Variants in S100A13 observed in about 807,000 individuals in gnomAD.
S100A13 encodes the protein S100 calcium binding protein A13, also known as protein S100-A13.
S100A13 carries 6 observed loss-of-function variants against 8.2 expected under a neutral mutation model. The ratio of observed to expected loss-of-function variants is 0.73; its 90% CI spans 0.40 to 1.44. The LOEUF (loss-of-function observed/expected upper bound fraction) is 1.44. S100A13 is among the 40% of genes most tolerant of loss of function. The probability of loss-of-function intolerance (pLI) is 0.02; values close to 1 mark genes in which losing one functional copy is unlikely to be tolerated. For missense variants in S100A13, 114 were observed against 113.6 expected (o/e 1.00, Z -0.02); for synonymous variants, 39 against 45.9 (o/e 0.85, Z 0.61).
intron 2 of S100A13, among the ~76,000 whole-genome samples, chr1:153,619,247 G>T (rs1667083048): frequency 6.6e-6 from 1 of 152,186 alleles, no homozygotes; most frequent in Non-Finnish European, 1.5e-5. Context: ...AAGGTGGGGG[G>T]GCCTGAGTCC....
chr1:153,624,247 TAAG>T (rs1667455952), intron 2 of S100A13, among the ~76,000 whole-genome samples: 1 of 152,180 alleles, frequency 6.6e-6, no homozygotes, highest in Non-Finnish European at 1.5e-5. Flanking sequence ...TGCTGAGATG[TAAG>T]AAGACAAATC....
At chr1:153,625,844 A>G (rs985095503) in intron 2 of S100A13, among the ~76,000 whole-genome samples, 10 of 152,240 alleles carry the variant, frequency 6.6e-5, no homozygotes, top group African/African-American at 2.4e-5. Context: ...ATGGACACAC[A>G]AACACACACA....
intron 2 of S100A13, among the ~76,000 whole-genome samples, chr1:153,625,676 A>G (rs1478582827): frequency 1.3e-5 from 2 of 152,256 alleles, no homozygotes; most frequent in Non-Finnish European, 2.9e-5. Flanking sequence ...CAGCTCTGAC[A>G]GTCTGTGAAT....
At chr1:153,628,312 G>A, upstream of S100A13, 2 of 1,514,068 alleles carry the variant, frequency 1.3e-6, no homozygotes, top group East Asian at 2.5e-5. Context: ...GGAGACAGAG[G>A]GCGCCTCTGT....
intron 2 of S100A13, among the ~76,000 whole-genome samples, chr1:153,620,500 G>A (rs970886630): frequency 2.0e-5 from 3 of 149,512 alleles, no homozygotes; most frequent in Non-Finnish European, 4.4e-5. Context: ...CAAAACAAAG[G>A]CCAAATACCA....
upstream of S100A13, chr1:153,628,045 T>C (rs1223564565): frequency 1.3e-6 from 2 of 1,550,122 alleles, no homozygotes; most frequent in African/African-American, 2.7e-5. Context: ...ACTAAGTTTC[T>C]CACTGAGGGT....
At chr1:153,632,266 C>CTTT (rs397863604), upstream of S100A13, 156 of 91,730 alleles carry the variant, frequency 1.7e-3, 1 homozygote, top group East Asian at 7.9e-3. Context: ...AAGAAATAAT[C>CTTT]TTTTTTTTTT....
At chr1:153,633,473 C>T (rs113605980), upstream of S100A13, among the ~76,000 whole-genome samples, 68 of 101,266 alleles carry the variant, frequency 6.7e-4, no homozygotes, top group African/African-American at 2.4e-3. Context: ...CAAAGGTGCC[C>T]CACCCCAAGA....
intron 2 of S100A13, among the ~76,000 whole-genome samples, chr1:153,625,338 G>A (rs1022813395): frequency 4.6e-5 from 7 of 152,200 alleles, no homozygotes; most frequent in African/African-American, 1.4e-4. Flanking sequence ...ACACTTCAAC[G>A]TGCCTGTGGA....
upstream of S100A13, chr1:153,630,356 T>G: frequency 1.0e-6 from 1 of 970,118 alleles, no homozygotes; most frequent in Non-Finnish European, 1.5e-6. Context: ...TCCCTCACAT[T>G]GTAAAATCTC....
chr1:153,620,062 G>A lies in S100A13; in HGVS notation c.154-1024C>T, dbSNP rs538730450. Among the ~76,000 whole-genome samples the A allele has an allele frequency of 2.3e-3, 348 of 152,084 alleles. 1 individual carries two copies. Among genetic ancestry groups the A allele is most frequent in the African/African-American group, 6.8e-3 (281 of 41,486 alleles). On this transcript the variant is annotated intron_variant, in intron 2 of 2. Coordinates refer to ENST00000476133, the MANE Select transcript of S100A13 (RefSeq NM_001024211.2). ...AACGCTTTGGGAGGCTGAGGTGGGC[G>A]GATCACTTGAGGTCAGGAGTTTGAG...
upstream of S100A13, chr1:153,628,690 C>CTGAAGG (rs1324506696): frequency 1.0e-6 from 1 of 965,820 alleles, no homozygotes; most frequent in Non-Finnish European, 1.5e-6. Context: ...GACAAATGAA[C>CTGAAGG]TGAAGGTCGG....
In S100A13 at chr1:153,626,527, G is replaced by T; in HGVS notation, c.-55C>A. The T allele has an allele frequency of 6.3e-7, 1 of 1,582,752 alleles. No homozygotes were observed. Among genetic ancestry groups the T allele is most frequent in the East Asian group, 2.2e-5 (1 of 44,476 alleles). ...CAAGGGGCTAGCTGACCTTTGTCAG[G>T]GCTGACCTGTGGAAGAGAGAAGGAG... is the stretch of plus-strand genomic sequence containing the variant. On this transcript the variant is annotated 5_prime_UTR_variant, in exon 2 of 3. Coordinates refer to ENST00000476133, the MANE Select transcript of S100A13 (RefSeq NM_001024211.2).
At chr1:153,629,393 G>C (rs889299750), upstream of S100A13, 3 of 152,224 alleles carry the variant, frequency 2.0e-5, no homozygotes, top group Non-Finnish European at 4.4e-5. Flanking sequence ...GAAGAACTGG[G>C]ATGTCATTCG....
In S100A13 at chr1:153,626,743, A is replaced by C. The variant is rs1667665583; in HGVS notation, c.-61-210T>G. On this transcript the variant is annotated intron_variant, in intron 1 of 2. Transcript: ENST00000476133. The stretch of plus-strand genomic sequence containing the variant: ...TGGGGGCAGGAGATTCAGCTCCAGA[A>C]ACCCCCTCTTCTGTAGGTCTCACAA... The C allele has an allele frequency of 1.0e-5, 4 of 389,338 alleles. No homozygotes were observed. The East Asian group carries it at 1.6e-4, about 16-fold the overall frequency. 24.1% of individuals were successfully genotyped at this position (389,338 alleles called of 1,614,324 possible).
chr1:153,624,250 G>A (rs1259630197), intron 2 of S100A13, among the ~76,000 whole-genome samples: 2 of 152,210 alleles, frequency 1.3e-5, no homozygotes, highest in Non-Finnish European at 2.9e-5. Context: ...TGAGATGTAA[G>A]AAGACAAATC....
chr1:153,634,166 AGAC>A (rs1668209078), upstream of S100A13: 1 of 152,946 alleles, frequency 6.5e-6, no homozygotes, highest in Non-Finnish European at 1.5e-5. Flanking sequence ...TCGGCCGACT[AGAC>A]AGCCAACCAG....
At position 153,619,041 on chromosome 1, in the gene S100A13, G is replaced by A; in HGVS notation, c.154-3C>T. On this transcript the variant is annotated splice_region_variant and splice_polypyrimidine_tract_variant and intron_variant, in intron 2 of 2. Transcript: ENST00000476133. ...TTCTCATCAAGAGAGCCCACATCCT[G>A]AGGAGACACCAAAGGGAAGGGTAGA... The A allele has an allele frequency of 6.2e-7, 1 of 1,612,998 alleles. No individual in the cohort carries two copies. The highest frequency in any genetic ancestry group is 8.5e-7 in the Non-Finnish European group (1 of 1,179,422).
At chr1:153,634,063 G>T (rs1019617701), upstream of S100A13, 2 of 152,798 alleles carry the variant, frequency 1.3e-5, no homozygotes, top group African/African-American at 4.8e-5. Context: ...ACAAGCACTG[G>T]ACGTGGCGGC....
Sources: allele counts gnomAD v4.1 joint callset (sites outside exome capture counted in the v4.1 genomes callset), GRCh38; gene constraint gnomAD v4.1.1; transcripts MANE v1.5; gene names NCBI Gene and HGNC (gene_info 2026-07-23, HGNC 2026-07-21).